ANK3: variants seen among roughly 807,000 people sequenced by gnomAD.
ANK3 encodes ankyrin-3.
ANK3 carries 57 observed loss-of-function variants against 370.9 expected under a neutral mutation model. The observed-to-expected ratio is 0.15, with a 90% CI of 0.12 to 0.19. The LOEUF (loss-of-function observed/expected upper bound fraction) is 0.19. ANK3 is among the 10% of genes least tolerant of loss of function. The pLI is 1.00. For synonymous variants in ANK3, 1,929 were observed against 1,946.3 expected (o/e 0.99, Z 0.23); for missense variants, 4,439 against 5,302.1 (o/e 0.84, Z 5.06).
intron 1 of ANK3, among the ~76,000 whole-genome samples, chr10:60,370,971 T>A (rs561177600): frequency 6.6e-6 from 1 of 152,282 alleles, no homozygotes; most frequent in South Asian, 2.1e-4. Flanking sequence ...CATTCCATTC[T>A]CAATACAAGG....
intron 18 of ANK3, 46 bp downstream of exon 18, chr10:60,181,283 C>A: frequency 1.3e-6 from 2 of 1,529,354 alleles, no homozygotes; most frequent in East Asian, 4.5e-5. Flanking sequence ...ACTGCAGTCA[C>A]CAAATGGACA....
At chr10:60,609,304 G>A (rs990414198) in intron 2 of ANK3, among the ~76,000 whole-genome samples, 1 of 152,134 alleles carries the variant, frequency 6.6e-6, no homozygotes, top group African/African-American at 2.4e-5. Context: ...CATTGTCATT[G>A]CAGAGCTCTC....
chr10:60,227,103 T>C (rs75355618), intron 8 of ANK3, among the ~76,000 whole-genome samples: 7,187 of 151,988 alleles, frequency 0.047, 554 homozygotes, highest in African/African-American at 0.16. Context: ...AACAAAGTTA[T>C]GTCAGCTTTC....
intron 4 of ANK3, among the ~76,000 whole-genome samples, chr10:60,272,453 T>TG (rs1555223713): frequency 2.1e-5 from 3 of 144,128 alleles, no homozygotes; most frequent in African/African-American, 7.9e-5. Flanking sequence ...TTAGAAGTTT[T>TG]TTGTTGTTGT....
At chr10:60,519,149 TGA>T (rs1185150450) in intron 2 of ANK3, among the ~76,000 whole-genome samples, 1 of 152,138 alleles carries the variant, frequency 6.6e-6, no homozygotes, top group Non-Finnish European at 1.5e-5. Flanking sequence ...TCTATGGAGC[TGA>T]GAGGAGCCCC....
rs2094466490 is a variant in ANK3, at chr10:60,139,182, CA to C, written c.2615-96del. On this transcript the variant is annotated intron_variant, in intron 23 of 43. Coordinates refer to ENST00000280772, the MANE Select transcript of ANK3 (RefSeq NM_020987.5). ...CTCCTTTGGTTATCAGCAAATCCCC[CA>C]ATATCTCATATTCACCTTCCCCTAT... 6.9e-6 allele frequency: 10 copies of C among 1,449,554 alleles called. No homozygotes were observed. In the East Asian group the frequency reaches 2.3e-4, roughly 33 times the overall value. The allele number at this position is 1,449,554 out of a possible 1,614,324, so 89.8% of individuals were successfully genotyped here. A position where few individuals can be genotyped will look rare whatever the true frequency, so the allele number is the denominator to read the frequency against.
Position 60,071,182 on chromosome 10 carries a change from A to G in ANK3, c.9699T>C (p.Pro3233=). The change falls in exon 37 of 44, where the codon CCT becomes CCC. Residue 3233 remains proline (P), a synonymous_variant. Coordinates refer to ENST00000280772, the MANE Select transcript of ANK3 (RefSeq NM_020987.5). Reference sequence around the variant, plus strand: ...GGTTAGAGTCTTTGCTCACGTCATTAGGCATTTCACGCTCAACTGCTGTTT... The same window carrying G: ...GGTTAGAGTCTTTGCTCACGTCATTGGGCATTTCACGCTCAACTGCTGTTT... ...VEETAVEREM[P]NDVSKDSNQR... 6.2e-7 allele frequency: 1 copy of G among 1,614,118 alleles called. No homozygotes were observed. The highest frequency in any genetic ancestry group is 1.3e-5 in the African/African-American group (1 of 75,030).
intron 2 of ANK3, among the ~76,000 whole-genome samples, chr10:60,434,309 C>A (rs930021625): frequency 2.6e-5 from 4 of 152,032 alleles, no homozygotes; most frequent in African/African-American, 9.7e-5. Context: ...TAGCATAGCC[C>A]ATGTTTTCAA....
chr10:60,170,969 T>C (rs79867207), intron 21 of ANK3, among the ~76,000 whole-genome samples: 4,534 of 152,280 alleles, frequency 0.03, 99 homozygotes, highest in Middle Eastern at 0.048. Flanking sequence ...TTTACTGCAA[T>C]GACTTCAAAT....
At chr10:60,723,981 C>A (rs373692744) in intron 1 of ANK3, among the ~76,000 whole-genome samples, 8 of 150,444 alleles carry the variant, frequency 5.3e-5, no homozygotes, top group Admixed American at 1.3e-4. Context: ...GAGGCCGAGG[C>A]GGGCTGATCA....
intron 2 of ANK3, among the ~76,000 whole-genome samples, chr10:60,402,454 T>C (rs2063370679): frequency 6.6e-6 from 1 of 152,172 alleles, no homozygotes; most frequent in Non-Finnish European, 1.5e-5. Flanking sequence ...TAACAAATGG[T>C]GTATACATTT....
intron 1 of ANK3, among the ~76,000 whole-genome samples, chr10:60,316,103 TG>T (rs2047356959): frequency 6.6e-6 from 1 of 152,092 alleles, no homozygotes; most frequent in African/African-American, 2.4e-5. Context: ...ACAGCTTCTG[TG>T]GAGAGAGACA....
At position 60,261,860 on chromosome 10, in the gene ANK3, C is replaced by T. The variant is rs746547062; in HGVS notation, c.797G>A (p.Arg266Lys). Residue 266 changes from arginine to lysine, a missense_variant and splice_region_variant, in exon 7 of 44, where the codon AGG (arginine) becomes AAG (lysine). By Grantham distance (26) the Arg-to-Lys change is conservative. Coordinates refer to ENST00000280772, the MANE Select transcript of ANK3 (RefSeq NM_020987.5). ...NRAAAVDFTA[R>K]NDITPLHVAS... is the part of the protein sequence containing the mutation. ...TATTACACATTGCTGTGCTCTTACC[C>T]TTGCGGTGAAATCCACAGCAGCCGC... 2 of 1,613,378 alleles carry T rather than the reference C, an allele frequency of 1.2e-6. No homozygotes were observed. Among genetic ancestry groups the T allele is most frequent in the Admixed American group, 1.7e-5 (1 of 60,014 alleles).
At chr10:60,106,391 T>C (rs1459310138) in intron 27 of ANK3, among the ~76,000 whole-genome samples, 1 of 152,086 alleles carries the variant, frequency 6.6e-6, no homozygotes, top group African/African-American at 2.4e-5. Context: ...TGGTCCATTT[T>C]TAAAAGACAC....
Position 60,644,889 on chromosome 10 carries a change from T to C in ANK3, c.58-29665A>G, listed in dbSNP as rs902498176. On this transcript the variant is annotated intron_variant, in intron 1 of 43. Transcript: ENST00000373827. ...GGCCTGAATTACAGATAGTTTTAGT[T>C]TAAAAAAAAAAAAAACGATGAGTCA... is the stretch of plus-strand genomic sequence containing the variant. Among the ~76,000 whole-genome samples, 93 of 55,138 alleles carry C rather than the reference T, an allele frequency of 1.7e-3. 1 individual carries two copies. Among genetic ancestry groups the C allele is most frequent in the African/African-American group, 5.2e-3 (93 of 17,976 alleles). The allele number at this position is 55,138 out of a possible 152,430, so 36.2% of individuals were successfully genotyped here.
intron 2 of ANK3, among the ~76,000 whole-genome samples, chr10:60,395,550 C>CTCTTTCTTTCTTTCTTTCTTTTCTTTCTT (rs1555367060): frequency 7.4e-5 from 8 of 108,376 alleles, no homozygotes; most frequent in African/African-American, 2.7e-4. Context: ...ACTACTATGC[C>CTCTTTCTTTCTTTCTTTCTTTTCTTTCTT]TCTTTCTTTC....
At chr10:60,240,200 A>C (rs2132557936) in intron 7 of ANK3, among the ~76,000 whole-genome samples, 1 of 141,918 alleles carries the variant, frequency 7.0e-6, no homozygotes, top group African/African-American at 2.7e-5. Flanking sequence ...ATATACACAC[A>C]CACATATATA....
In ANK3 at chr10:60,063,363, C is replaced by A. The variant is rs2080990837; in HGVS notation, c.12452-109G>T. 7.6e-6 allele frequency: 8 copies of A among 1,055,644 alleles called. No homozygotes were observed. The Admixed American group carries it at 2.0e-4, about 27-fold the overall frequency. The allele number at this position is 1,055,644 out of a possible 1,614,324, so 65.4% of individuals were successfully genotyped here. A position where few individuals can be genotyped will look rare whatever the true frequency, so the allele number is the denominator to read the frequency against. ...TGCAGCCCTGCTGACATTTTAGCTC[C>A]TTCTTACTCCATCTCTGCAATCTCC... On this transcript the variant is annotated intron_variant, in intron 39 of 43. Transcript: ENST00000280772.
chr10:60,214,890 C>T (rs1016114439), intron 8 of ANK3, among the ~76,000 whole-genome samples: 4 of 152,122 alleles, frequency 2.6e-5, no homozygotes, highest in Admixed American at 2.6e-4. Flanking sequence ...AATGGGATTG[C>T]TGGGTCAAAT....
Sources: gnomAD v4.1 joint callset for allele counts (sites outside exome capture counted in the v4.1 genomes callset) on GRCh38, gnomAD v4.1.1 for gene constraint, MANE v1.5 for transcripts, NCBI Gene and HGNC (gene_info 2026-07-23, HGNC 2026-07-21) for gene names.